The following BBS9 variants were observed in gnomAD, a reference collection of about 807,000 sequenced individuals.
BBS9 encodes Bardet-Biedl syndrome 9.
A neutral mutation model predicts 117.7 loss-of-function variants in BBS9; 89 were observed. The ratio of observed to expected loss-of-function variants is 0.76; its 90% CI spans 0.64 to 0.90. The LOEUF (loss-of-function observed/expected upper bound fraction) is 0.90. Ranked by LOEUF, BBS9 falls within the 40% of genes least tolerant of loss-of-function variation. The pLI is 0.00. For synonymous variants in BBS9, 379 were observed against 370.9 expected (o/e 1.02, Z -0.25); for missense variants, 982 against 1,042.2 (o/e 0.94, Z 0.80).
At chr7:33,600,122 A>G (rs1863567861) in intron 21 of BBS9, among the ~76,000 whole-genome samples, 1 of 152,220 alleles carries the variant, frequency 6.6e-6, no homozygotes, top group Admixed American at 6.5e-5. Context: ...ATTAAGTTAG[A>G]TCATATCTAA....
At chr7:33,263,873 G>A (rs942710649) in intron 6 of BBS9, among the ~76,000 whole-genome samples, 1 of 151,982 alleles carries the variant, frequency 6.6e-6, no homozygotes, top group Non-Finnish European at 1.5e-5. Context: ...GTTAAACTGG[G>A]GTTAAACTGA....
At chr7:33,570,269 G>A (rs1255182229) in intron 21 of BBS9, among the ~76,000 whole-genome samples, 3 of 152,206 alleles carry the variant, frequency 2.0e-5, no homozygotes, top group Non-Finnish European at 4.4e-5. Flanking sequence ...TCTAGTGCCA[G>A]AAGGCTGAAA....
chr7:33,515,721 T>G (rs1228954596), intron 20 of BBS9, among the ~76,000 whole-genome samples: 1 of 152,220 alleles, frequency 6.6e-6, no homozygotes, highest in Non-Finnish European at 1.5e-5. Flanking sequence ...TTGACATAGG[T>G]TAGTGATCTC....
intron 19 of BBS9, among the ~76,000 whole-genome samples, chr7:33,453,388 C>G (rs1838179622): frequency 6.6e-6 from 1 of 152,188 alleles, no homozygotes; most frequent in Admixed American, 6.5e-5. Flanking sequence ...TCTTGTGCCT[C>G]TGCCACCTCA....
intron 2 of BBS9, among the ~76,000 whole-genome samples, chr7:33,151,027 A>G (rs1255324279): frequency 6.6e-6 from 1 of 152,166 alleles, no homozygotes; most frequent in African/African-American, 2.4e-5. Context: ...CAAGGCAGGT[A>G]GATTGCTTGA....
chr7:33,600,940 G>A (rs973241749), intron 21 of BBS9, among the ~76,000 whole-genome samples: 1 of 152,158 alleles, frequency 6.6e-6, no homozygotes, highest in Non-Finnish European at 1.5e-5. Flanking sequence ...GGAAAGAAAA[G>A]TATTTCCAGG....
chr7:33,428,405 TAA>T (rs1447363971), intron 19 of BBS9, among the ~76,000 whole-genome samples: 1 of 152,214 alleles, frequency 6.6e-6, no homozygotes, highest in Non-Finnish European at 1.5e-5. Flanking sequence ...CCAATATAGA[TAA>T]AATGGATTAC....
intron 9 of BBS9, among the ~76,000 whole-genome samples, chr7:33,308,029 T>C (rs1232770726): frequency 6.6e-6 from 1 of 152,120 alleles, no homozygotes; most frequent in Non-Finnish European, 1.5e-5. Flanking sequence ...CACGTGCTCA[T>C]TGGTGTGTAT....
intron 5 of BBS9, among the ~76,000 whole-genome samples, chr7:33,201,219 T>C (rs1385378318): frequency 6.6e-6 from 1 of 152,114 alleles, no homozygotes. Flanking sequence ...TATTTTCAGG[T>C]GTCTGCCCCA....
At chr7:33,171,380 C>G (rs1796547486) in intron 4 of BBS9, among the ~76,000 whole-genome samples, 2 of 152,226 alleles carry the variant, frequency 1.3e-5, no homozygotes, top group South Asian at 4.1e-4. Context: ...ATAAATGGTG[C>G]TGGGAAAACT....
At chr7:33,195,096 C>T (rs569490162) in intron 5 of BBS9, among the ~76,000 whole-genome samples, 1 of 152,084 alleles carries the variant, frequency 6.6e-6, no homozygotes, top group African/African-American at 2.4e-5. Flanking sequence ...GAGAGAAGGT[C>T]TATGTGTTCT....
intron 9 of BBS9, among the ~76,000 whole-genome samples, chr7:33,303,522 T>TCTCCCCCCCCC (rs1806965297): frequency 1.3e-5 from 1 of 77,030 alleles, no homozygotes; most frequent in Non-Finnish European, 2.4e-5. Flanking sequence ...AATGATCCCC[T>TCTCCCCCCCCC]CCCCCCGCCC....
intron 17 of BBS9, among the ~76,000 whole-genome samples, chr7:33,374,991 C>T (rs1448717606): frequency 1.3e-5 from 2 of 150,300 alleles, no homozygotes; most frequent in African/African-American, 2.4e-5. Flanking sequence ...GCTTTTCTGT[C>T]TCTCATTTCA....
intron 5 of BBS9, among the ~76,000 whole-genome samples, chr7:33,227,161 C>CG (rs1791442326): frequency 6.8e-6 from 1 of 146,152 alleles, no homozygotes; most frequent in Non-Finnish European, 1.5e-5. Context: ...TTACAGCCAT[C>CG]AATTTTTTTT....
intron 19 of BBS9, among the ~76,000 whole-genome samples, chr7:33,405,925 A>C (rs1435508969): frequency 6.7e-6 from 1 of 150,310 alleles, no homozygotes; most frequent in Non-Finnish European, 1.5e-5. Flanking sequence ...TAGTTCTTTT[A>C]ATTGTGATAT....
At chr7:33,457,817 A>G (rs918959209) in intron 19 of BBS9, among the ~76,000 whole-genome samples, 2 of 152,182 alleles carry the variant, frequency 1.3e-5, no homozygotes, top group Non-Finnish European at 2.9e-5. Flanking sequence ...ATACAACTTA[A>G]CTTTTAATTT....
At chr7:33,259,845 C>A (rs1256063387) in intron 6 of BBS9, among the ~76,000 whole-genome samples, 1 of 151,724 alleles carries the variant, frequency 6.6e-6, no homozygotes, top group African/African-American at 2.4e-5. Flanking sequence ...GCCTCTCCTT[C>A]CCATTCCCAT....
At chr7:33,525,381 C>A (rs1405219781) in intron 20 of BBS9, among the ~76,000 whole-genome samples, 1 of 111,814 alleles carries the variant, frequency 8.9e-6, no homozygotes, top group East Asian at 2.5e-4. Context: ...GTGTGGGAGT[C>A]TAAGTCTCTT....
chr7:33,513,477 G>A (rs1585077994), intron 20 of BBS9, among the ~76,000 whole-genome samples: 1 of 152,276 alleles, frequency 6.6e-6, no homozygotes, highest in African/African-American at 2.4e-5. Context: ...AGTATTGCTT[G>A]ATACTCCATG....
Sources: allele counts gnomAD v4.1 joint callset (sites outside exome capture counted in the v4.1 genomes callset), GRCh38; gene constraint gnomAD v4.1.1; transcripts MANE v1.5; gene names NCBI Gene and HGNC (gene_info 2026-07-23, HGNC 2026-07-21).